The following ACKR3 variants were observed in gnomAD, a reference collection of about 807,000 sequenced individuals.
The protein encoded by ACKR3 is atypical chemokine receptor 3.
In ACKR3, 6 loss-of-function variants were observed where a neutral mutation model predicts 22.4. That is an observed-to-expected ratio of 0.27 (90% CI 0.15 to 0.53). ACKR3 has a LOEUF of 0.53. Among genes scored for constraint, ACKR3 ranks in the 20% least tolerant of loss-of-function variants. The probability of loss-of-function intolerance (pLI) is 0.96; values close to 1 mark genes in which losing one functional copy is unlikely to be tolerated. For synonymous variants in ACKR3, 209 were observed against 205.2 expected, an observed-to-expected ratio of 1.02 and a Z score of -0.16; for missense variants, 396 against 475.2, an observed-to-expected ratio of 0.83 and a Z score of 1.55.
At chr2:236,576,837 C>A (rs1301941182) in intron 1 of ACKR3, among the ~76,000 whole-genome samples, 1 of 152,224 alleles carries the variant, frequency 6.6e-6, no homozygotes, top group Non-Finnish European at 1.5e-5. Flanking sequence ...ATGAAAAATA[C>A]CGAAATGACA....
chr2:236,575,618 T>TGTGTCTGGGGGTGTGGTGTGTGTGC (rs1691398064), intron 1 of ACKR3, among the ~76,000 whole-genome samples: 1 of 95,790 alleles, frequency 1.0e-5, no homozygotes, highest in African/African-American at 7.1e-5. Flanking sequence ...TGTGTGTGTG[T>TGTGTCTGGGGGTGTGGTGTGTGTGC]GTGTCTGGGG....
chr2:236,558,761 G>A, the ACKR3 span, among the ~76,000 whole-genome samples: 1 of 152,170 alleles, frequency 6.6e-6, no homozygotes, highest in East Asian at 1.9e-4. Flanking sequence ...AAGGAAGGAA[G>A]GGTCTCTCTT....
rs1375490321 is a variant in ACKR3 at position 236,577,746 on chromosome 2, G to A, written c.-26-2694G>A. ...GGGCGGATTCGGGATCCAAGTTCGG[G>A]CGAACAAAGACTGAGGGTCATTTCT... On this transcript the variant is annotated intron_variant, in intron 1 of 1. Transcript: ENST00000272928. This position sits in a 1 kb window ranked among gnomAD's most constrained non-coding sequence, Gnocchi z 5.6. Among the ~76,000 whole-genome samples the A allele has an allele frequency of 3.3e-5, 5 of 152,210 alleles. No homozygotes were observed. Among genetic ancestry groups the A allele is most frequent in the Admixed American group, 3.3e-4 (5 of 15,286 alleles).
the ACKR3 span, among the ~76,000 whole-genome samples, chr2:236,551,513 C>T: frequency 3.3e-5 from 5 of 152,148 alleles, no homozygotes; most frequent in African/African-American, 1.2e-4. Flanking sequence ...CATCCTGCCA[C>T]CTGAATCTCC....
chr2:236,543,943 A>G, the ACKR3 span, among the ~76,000 whole-genome samples: 241 of 10,976 alleles, frequency 0.022, 6 homozygotes, highest in South Asian at 0.046. Flanking sequence ...GGAGAAGGGT[A>G]TATATATATA....
the ACKR3 span, among the ~76,000 whole-genome samples, chr2:236,546,394 G>A: frequency 6.6e-6 from 1 of 152,130 alleles, no homozygotes; most frequent in African/African-American, 2.4e-5. The surrounding 1 kb of genome is among the most constrained non-coding windows in gnomAD (Gnocchi z 4.9). Context: ...CACAAGGGCA[G>A]GGCTAGTTCA....
chr2:236,555,577 ATTCCAGC>A, the ACKR3 span, among the ~76,000 whole-genome samples: 17 of 152,278 alleles, frequency 1.1e-4, no homozygotes, highest in African/African-American at 4.1e-4. Flanking sequence ...TTCAGCTCTG[ATTCCAGC>A]TTGAGAGGAT....
chr2:236,562,852 T>C (rs1691097648), upstream of ACKR3, among the ~76,000 whole-genome samples: 5 of 152,218 alleles, frequency 3.3e-5, no homozygotes, highest in South Asian at 1.0e-3. Context: ...ACCATGTGTT[T>C]TGGTCTGCAA....
At chr2:236,551,494 A>T in the ACKR3 span, among the ~76,000 whole-genome samples, 1 of 152,132 alleles carries the variant, frequency 6.6e-6, no homozygotes, top group South Asian at 2.1e-4. Flanking sequence ...GTGAGCTGAC[A>T]TCAGGGGCCA....
chr2:236,540,194 C>T, the ACKR3 span, among the ~76,000 whole-genome samples: 23 of 152,128 alleles, frequency 1.5e-4, no homozygotes, highest in Admixed American at 1.1e-3. Flanking sequence ...CAACACTCGA[C>T]GTTGTCTGTG....
chr2:236,569,357 A>G (rs1691259628), upstream of ACKR3, among the ~76,000 whole-genome samples: 1 of 152,244 alleles, frequency 6.6e-6, no homozygotes, highest in Non-Finnish European at 1.5e-5. Context: ...AGGAATTAAC[A>G]AGGAAAACCC....
chr2:236,576,995 T>G (rs1691424781), intron 1 of ACKR3, among the ~76,000 whole-genome samples: 1 of 152,186 alleles, frequency 6.6e-6, no homozygotes, highest in Admixed American at 6.5e-5. Flanking sequence ...CCCTGGAACC[T>G]TTGGTGGTGG....
chr2:236,564,023 C>A (rs1240762992), upstream of ACKR3, among the ~76,000 whole-genome samples: 1 of 152,174 alleles, frequency 6.6e-6, no homozygotes, highest in Non-Finnish European at 1.5e-5. Context: ...TAAGGCCCAC[C>A]GGCCTCTGAC....
chr2:236,570,353 A>G (rs950141328), intron 1 of ACKR3, among the ~76,000 whole-genome samples: 1 of 152,248 alleles, frequency 6.6e-6, no homozygotes, highest in Non-Finnish European at 1.5e-5. Context: ...TTGGAAACAG[A>G]TAAAATTGGC....
rs769689886 is a variant in ACKR3, at chr2:236,577,331, AC to A, written c.-26-3108del. The stretch of plus-strand genomic sequence containing the variant: ...GCGGGGAAGTGCCTATCTCAGAAAT[AC>A]TGTTTTTGACTCAGAGGACCAATGG... On this transcript the variant is annotated intron_variant, in intron 1 of 1. Coordinates refer to ENST00000272928, the MANE Select transcript of ACKR3 (RefSeq NM_020311.3). The surrounding 1 kb of genome is among the most constrained non-coding windows in gnomAD (Gnocchi z 5.6). Among the ~76,000 whole-genome samples the A allele has an allele frequency of 6.6e-6, 1 of 152,120 alleles. No homozygotes were observed. The highest frequency in any genetic ancestry group is 1.5e-5 in the Non-Finnish European group (1 of 68,014).
chr2:236,575,846 C>G (rs553622646), intron 1 of ACKR3, among the ~76,000 whole-genome samples: 1 of 152,306 alleles, frequency 6.6e-6, no homozygotes, highest in African/African-American at 2.4e-5. Flanking sequence ...TTTACGTTGT[C>G]TCCAGTGTTT....
the ACKR3 span, among the ~76,000 whole-genome samples, chr2:236,558,808 T>C: frequency 6.6e-6 from 1 of 152,200 alleles, no homozygotes; most frequent in Non-Finnish European, 1.5e-5. Flanking sequence ...TTAAGCTCTT[T>C]AGAGTGTTTT....
the ACKR3 span, among the ~76,000 whole-genome samples, chr2:236,561,175 A>G: frequency 1.3e-5 from 2 of 152,226 alleles, no homozygotes; most frequent in African/African-American, 4.8e-5. Context: ...ATTACTAATC[A>G]GTAAGCATAA....
rs1691524996 is a variant in ACKR3 at position 236,581,229 on chromosome 2, TCTC to T, written c.767_769del (p.Ser256del). ...AAGCACAGCAGCCGGAAGATCATCT[TCTC>T]CTACGTGGTGGTCTTCCTTGTCTGC... On this transcript the variant is annotated inframe_deletion, in exon 2 of 2. Transcript: ENST00000272928. This position sits in a 1 kb window ranked among gnomAD's most constrained non-coding sequence, Gnocchi z 4.4. The T allele has an allele frequency of 6.2e-7, 1 of 1,613,806 alleles. No individual in the cohort carries two copies. Among genetic ancestry groups the T allele is most frequent in the Non-Finnish European group, 8.5e-7 (1 of 1,179,870 alleles).
Sources: gnomAD v4.1 joint callset for allele counts (sites outside exome capture counted in the v4.1 genomes callset) on GRCh38, gnomAD v4.1.1 for gene constraint, Gnocchi (gnomAD v3.1) non-coding constraint, MANE v1.5 for transcripts, NCBI Gene and HGNC (gene_info 2026-07-23, HGNC 2026-07-21) for gene names.